NRXN3: variants seen among roughly 807,000 people sequenced by gnomAD.
NRXN3 encodes the protein neurexin III.
Under a neutral mutation model 137.6 loss-of-function variants are expected in NRXN3, and 32 were observed. That is an observed-to-expected ratio of 0.23 (90% confidence interval 0.18 to 0.31). The LOEUF (loss-of-function observed/expected upper bound fraction) is 0.31. NRXN3 is among the 10% of genes least tolerant of loss of function. The pLI is 1.00. For synonymous variants in NRXN3, 798 were observed against 784.5 expected (o/e 1.02, Z -0.29); for missense variants, 1,574 against 2,062.5 (o/e 0.76, Z 4.59).
At chr14:78,186,202 C>T (rs1188736876) in intron 1 of NRXN3, among the ~76,000 whole-genome samples, 1 of 152,190 alleles carries the variant, frequency 6.6e-6, no homozygotes, top group African/African-American at 2.4e-5. Context: ...GAAAGGGTGA[C>T]AGTAAAGGAC....
intron 2 of NRXN3, among the ~76,000 whole-genome samples, chr14:78,271,520 T>G (rs1047522897): frequency 1.3e-5 from 2 of 151,126 alleles, no homozygotes; most frequent in African/African-American, 4.9e-5. Flanking sequence ...TGATCTCTGA[T>G]TATATCTGTA....
At chr14:79,635,189 A>C (rs2098394515) in intron 16 of NRXN3, among the ~76,000 whole-genome samples, 1 of 152,246 alleles carries the variant, frequency 6.6e-6, no homozygotes, top group Non-Finnish European at 1.5e-5. Context: ...GTACCCCATA[A>C]GTATGCACAA....
chr14:78,987,211 G>T (rs1413089520), intron 14 of NRXN3, among the ~76,000 whole-genome samples: 1 of 151,960 alleles, frequency 6.6e-6, no homozygotes, highest in Non-Finnish European at 1.5e-5. Flanking sequence ...TTGCATTCCT[G>T]ACACATTCCC....
intron 10 of NRXN3, among the ~76,000 whole-genome samples, chr14:78,849,119 G>A (rs2099035740): frequency 6.6e-6 from 1 of 152,114 alleles, no homozygotes; most frequent in Admixed American, 6.6e-5. Context: ...TGAAGCTAGA[G>A]ACAGTATAGC....
chr14:78,841,776 G>A (rs566920029), intron 10 of NRXN3, among the ~76,000 whole-genome samples: 6 of 152,000 alleles, frequency 3.9e-5, no homozygotes, highest in Admixed American at 1.3e-4. Flanking sequence ...AATTCTAGTT[G>A]TTTTTCAGCT....
intron 6 of NRXN3, among the ~76,000 whole-genome samples, chr14:78,655,643 C>A (rs2097778698): frequency 6.6e-6 from 1 of 151,658 alleles, no homozygotes; most frequent in African/African-American, 2.4e-5. Context: ...TAGAGTGGAC[C>A]CTGACATTAA....
At chr14:79,382,639 A>G (rs2094502123) in intron 15 of NRXN3, among the ~76,000 whole-genome samples, 2 of 152,160 alleles carry the variant, frequency 1.3e-5, no homozygotes, top group Non-Finnish European at 2.9e-5. Context: ...GATATATAAG[A>G]TATAGATACC....
intron 8 of NRXN3, among the ~76,000 whole-genome samples, chr14:78,735,337 A>G (rs1442627382): frequency 6.6e-6 from 1 of 152,198 alleles, no homozygotes; most frequent in African/African-American, 2.4e-5. Flanking sequence ...CATAGGGTAA[A>G]GGAGGAGGCT....
At position 79,122,537 on chromosome 14, in the gene NRXN3, G is replaced by T. The variant is rs575719239; in HGVS notation, c.3262+134396G>T. Among the ~76,000 whole-genome samples the T allele has an allele frequency of 6.6e-5, 10 of 152,238 alleles. 1 individual carries two copies. Among genetic ancestry groups the T allele is most frequent in the African/African-American group, 2.4e-4 (10 of 41,544 alleles). The stretch of plus-strand genomic sequence containing the variant: ...AGAGTTAGGAATCGTTTTCTGAAAA[G>T]ACATTCTAATATTATTTGGATATTA... On this transcript the variant is annotated intron_variant, in intron 15 of 20. Coordinates refer to ENST00000335750, the MANE Select transcript of NRXN3 (RefSeq NM_001330195.2).
chr14:78,622,246 A>G (rs1341184837), intron 4 of NRXN3, among the ~76,000 whole-genome samples: 2 of 152,196 alleles, frequency 1.3e-5, no homozygotes, highest in African/African-American at 4.8e-5. Context: ...ACCCAAGACA[A>G]AACACCCATG....
At chr14:79,709,984 A>G (rs375924263) in intron 19 of NRXN3, among the ~76,000 whole-genome samples, 9 of 152,188 alleles carry the variant, frequency 5.9e-5, no homozygotes, top group African/African-American at 2.2e-4. Context: ...AGAAATGAAC[A>G]AGGACAAAGA....
At position 79,233,096 on chromosome 14, in the gene NRXN3, A is replaced by G. The variant is rs542775257; in HGVS notation, c.3263-234125A>G. On this transcript the variant is annotated intron_variant, in intron 15 of 20. Coordinates refer to ENST00000335750, the MANE Select transcript of NRXN3 (RefSeq NM_001330195.2). ...TTAATCCTCATGAATATTCTGTCAC[A>G]TAAATTCTGTTACATTTCTCTGAAA... Among the ~76,000 whole-genome samples the G allele has an allele frequency of 1.3e-4, 20 of 152,302 alleles. 1 individual carries two copies. In the South Asian group the frequency reaches 3.5e-3, roughly 27 times the overall value.
chr14:78,991,617 C>T (rs1217602287), intron 15 of NRXN3, among the ~76,000 whole-genome samples: 1 of 152,160 alleles, frequency 6.6e-6, no homozygotes, highest in Non-Finnish European at 1.5e-5. Context: ...AGGGAAATAG[C>T]TAGGTCTTAT....
At chr14:79,167,342 T>C (rs2061375035) in intron 15 of NRXN3, among the ~76,000 whole-genome samples, 1 of 151,974 alleles carries the variant, frequency 6.6e-6, no homozygotes, top group African/African-American at 2.4e-5. Flanking sequence ...TTAGTGTGAT[T>C]GGGGTAAGGA....
At chr14:78,918,149 G>A (rs1051014182) in intron 10 of NRXN3, among the ~76,000 whole-genome samples, 1 of 151,656 alleles carries the variant, frequency 6.6e-6, no homozygotes, top group Admixed American at 6.6e-5. Context: ...GCCGGGCGTG[G>A]TGGCGCATGC....
At chr14:78,535,248 C>T (rs2096524137) in intron 4 of NRXN3, among the ~76,000 whole-genome samples, 1 of 151,786 alleles carries the variant, frequency 6.6e-6, no homozygotes, top group East Asian at 1.9e-4. Flanking sequence ...TCTCTGTTTA[C>T]TGGGCAAAGT....
chr14:78,650,745 C>T (rs1227797706), intron 5 of NRXN3, among the ~76,000 whole-genome samples: 5 of 152,042 alleles, frequency 3.3e-5, no homozygotes, highest in Non-Finnish European at 7.4e-5. Context: ...AGACCAACCC[C>T]TAACAAATTT....
chr14:79,384,559 G>A (rs758353679), intron 15 of NRXN3, among the ~76,000 whole-genome samples: 19 of 152,148 alleles, frequency 1.2e-4, no homozygotes, highest in Admixed American at 2.6e-4. Flanking sequence ...GAGATCAAAA[G>A]ACATTCACAG....
intron 15 of NRXN3, among the ~76,000 whole-genome samples, chr14:79,262,984 G>T (rs573672934): frequency 1.3e-5 from 2 of 152,176 alleles, no homozygotes; most frequent in Non-Finnish European, 2.9e-5. Context: ...CACACTTAAA[G>T]TATGGGTGTG....
Sources: allele counts gnomAD v4.1 joint callset (sites outside exome capture counted in the v4.1 genomes callset), GRCh38; gene constraint gnomAD v4.1.1; transcripts MANE v1.5; gene names NCBI Gene and HGNC (gene_info 2026-07-23, HGNC 2026-07-21).